STX8: variants seen among roughly 807,000 people sequenced by gnomAD.
STX8 encodes syntaxin 8.
STX8 carries 23 observed loss-of-function variants against 37.5 expected under a neutral mutation model. The ratio of observed to expected loss-of-function variants is 0.61; its 90% CI spans 0.44 to 0.87. The LOEUF (loss-of-function observed/expected upper bound fraction) is 0.87. Ranked by LOEUF, STX8 falls within the 40% of genes least tolerant of loss-of-function variation. The pLI is 0.00. For missense variants in STX8, 313 were observed against 284.7 expected (o/e 1.10, Z -0.71); for synonymous variants, 115 against 99.1 (o/e 1.16, Z -0.95).
intron 7 of STX8, among the ~76,000 whole-genome samples, chr17:9,350,048 C>T (rs1381919778): frequency 1.3e-5 from 2 of 152,182 alleles, no homozygotes; most frequent in Non-Finnish European, 2.9e-5. Context: ...CAGTGTGACA[C>T]TGCGTTAGGC....
At chr17:9,430,400 G>A (rs1022169897) in intron 6 of STX8, among the ~76,000 whole-genome samples, 3 of 149,770 alleles carry the variant, frequency 2.0e-5, no homozygotes, top group Admixed American at 6.7e-5. Flanking sequence ...CCCTAGCCTC[G>A]GTAACCTCTA....
intron 3 of STX8, among the ~76,000 whole-genome samples, chr17:9,545,829 C>T (rs1362928542): frequency 1.3e-5 from 2 of 152,216 alleles, no homozygotes; most frequent in Non-Finnish European, 2.9e-5. Flanking sequence ...GATCTGCCTG[C>T]CTTGGCCTCC....
chr17:9,531,833 A>G (rs1306701113), intron 4 of STX8, among the ~76,000 whole-genome samples: 1 of 150,648 alleles, frequency 6.6e-6, no homozygotes. Flanking sequence ...TTTTTTTTTT[A>G]AAGTACTATG....
At chr17:9,540,447 C>T (rs567589855) in intron 4 of STX8, among the ~76,000 whole-genome samples, 1 of 152,168 alleles carries the variant, frequency 6.6e-6, no homozygotes, top group Admixed American at 6.5e-5. Context: ...GACATGTTCC[C>T]GTTACGGTGT....
intron 6 of STX8, among the ~76,000 whole-genome samples, chr17:9,448,695 G>A (rs568563119): frequency 6.6e-6 from 1 of 152,266 alleles, no homozygotes; most frequent in South Asian, 2.1e-4. Context: ...TTAATTGGTT[G>A]ATGAAAATGC....
At position 9,355,332 on chromosome 17, in the gene STX8, CTTTTTTTTT is replaced by C. The variant is rs57991262; in HGVS notation, c.643+23211_643+23219del. ...TGTCTTTTGGTTCTACTTTGTGGAA[CTTTTTTTTT>C]TTTTTTTTTTTGAGACATGGTCTCA... On this transcript the variant is annotated intron_variant, in intron 7 of 7. Transcript: ENST00000306357. Among the ~76,000 whole-genome samples, 212 of 116,248 alleles carry C rather than the reference CTTTTTTTTT, an allele frequency of 1.8e-3. 1 individual carries two copies. The highest frequency in any genetic ancestry group is 6.7e-3 in the African/African-American group (204 of 30,646). 76.3% of individuals were successfully genotyped at this position (116,248 alleles called of 152,430 possible). A position where few individuals can be genotyped will look rare whatever the true frequency, so the allele number is the denominator to read the frequency against.
At chr17:9,286,932 T>C (rs968137358) in intron 7 of STX8, among the ~76,000 whole-genome samples, 2 of 152,110 alleles carry the variant, frequency 1.3e-5, no homozygotes, top group African/African-American at 4.8e-5. Context: ...CTCAGGGTCT[T>C]TGCCTCTTGT....
At chr17:9,367,769 C>T (rs540560324) in intron 7 of STX8, among the ~76,000 whole-genome samples, 14 of 152,248 alleles carry the variant, frequency 9.2e-5, no homozygotes, top group African/African-American at 2.6e-4. Flanking sequence ...CTTGCTCTGT[C>T]GCCCAGGCTG....
rs1352745898 is a variant in STX8, at chr17:9,306,293, AAC to A, written c.644-55650_644-55649del. Among the ~76,000 whole-genome samples the A allele has an allele frequency of 3.3e-5, 5 of 152,078 alleles. No homozygotes were observed. In the East Asian group the frequency reaches 9.6e-4, roughly 29 times the overall value. On this transcript the variant is annotated intron_variant, in intron 7 of 7. Coordinates refer to ENST00000306357, the MANE Select transcript of STX8 (RefSeq NM_004853.3). Reference sequence around the variant, plus strand: ...AATCACTTAATGACTCATTTCTCAGAACACACCCCTGTTGTTAAGCGAAACAG... The same window carrying A: ...AATCACTTAATGACTCATTTCTCAGAACACCCCTGTTGTTAAGCGAAACAG...
At chr17:9,288,078 C>A (rs1908144193) in intron 7 of STX8, among the ~76,000 whole-genome samples, 1 of 103,132 alleles carries the variant, frequency 9.7e-6, no homozygotes, top group Non-Finnish European at 1.7e-5. Flanking sequence ...GGTAGCCAAG[C>A]ATCACTAGAC....
chr17:9,419,942 C>G (rs898246102), intron 6 of STX8, among the ~76,000 whole-genome samples: 2 of 152,034 alleles, frequency 1.3e-5, no homozygotes, highest in African/African-American at 4.8e-5. Context: ...TAAAAGTTAC[C>G]CTCATTGTTC....
intron 6 of STX8, among the ~76,000 whole-genome samples, chr17:9,475,804 G>A (rs1159417853): frequency 1.3e-5 from 2 of 152,144 alleles, no homozygotes. Flanking sequence ...GAAACCTGCC[G>A]ACTGGCATAT....
intron 5 of STX8, 66 bp downstream of exon 5, chr17:9,504,972 T>TTAAAAAAAAA: frequency 1.6e-5 from 1 of 64,384 alleles, no homozygotes; most frequent in Non-Finnish European, 2.5e-5. Flanking sequence ...AGACTCCGTC[T>TTAAAAAAAAA]CAAAAAAAAA....
chr17:9,307,041 T>G (rs923879103), intron 7 of STX8, among the ~76,000 whole-genome samples: 3 of 152,014 alleles, frequency 2.0e-5, no homozygotes, highest in Non-Finnish European at 2.9e-5. Context: ...GGAGAATACC[T>G]GGAACCTGGG....
At chr17:9,307,004 A>G (rs896757391) in intron 7 of STX8, among the ~76,000 whole-genome samples, 2 of 151,914 alleles carry the variant, frequency 1.3e-5, no homozygotes, top group Non-Finnish European at 2.9e-5. Context: ...CATGCCTGTA[A>G]TCCCTGCTAC....
At chr17:9,525,498 C>T (rs772437067) in intron 4 of STX8, among the ~76,000 whole-genome samples, 3 of 152,060 alleles carry the variant, frequency 2.0e-5, no homozygotes, top group Non-Finnish European at 4.4e-5. Flanking sequence ...AGGCGCCCGC[C>T]ACCACACCCA....
intron 7 of STX8, among the ~76,000 whole-genome samples, chr17:9,323,868 G>T (rs1251253058): frequency 6.6e-6 from 1 of 152,112 alleles, no homozygotes; most frequent in African/African-American, 2.4e-5. Context: ...GTGGCAGAAA[G>T]GGAACGAGAA....
At chr17:9,307,465 G>A (rs531871893) in intron 7 of STX8, among the ~76,000 whole-genome samples, 4 of 152,272 alleles carry the variant, frequency 2.6e-5, no homozygotes, top group South Asian at 2.1e-4. Flanking sequence ...GCTAAAGCTG[G>A]GGGATTGGAG....
Position 9,406,762 on chromosome 17 carries a change from A to G in STX8, c.542-28109T>C, listed in dbSNP as rs573349754. Among the ~76,000 whole-genome samples, 58 of 152,334 alleles carry G rather than the reference A, an allele frequency of 3.8e-4. 1 individual carries two copies. The highest frequency in any genetic ancestry group is 7.2e-4 in the Non-Finnish European group (49 of 68,040). ...TTCTAGACTATACAATTCATCTGAG[A>G]GTTTTTTCAAATTGTCACAAATCTC... is the stretch of plus-strand genomic sequence containing the variant. On this transcript the variant is annotated intron_variant, in intron 6 of 7. Transcript: ENST00000306357.
Sources: allele counts gnomAD v4.1 joint callset (sites outside exome capture counted in the v4.1 genomes callset), GRCh38; gene constraint gnomAD v4.1.1; transcripts MANE v1.5; gene names NCBI Gene and HGNC (gene_info 2026-07-23, HGNC 2026-07-21).